The following ASCC3 variants were observed in gnomAD, a reference collection of about 807,000 sequenced individuals.
ASCC3 encodes the protein ASC-1 complex subunit P200.
Under a neutral mutation model 256.3 loss-of-function variants are expected in ASCC3, and 158 were observed. The ratio of observed to expected loss-of-function variants is 0.62; its 90% CI spans 0.54 to 0.70. The LOEUF (loss-of-function observed/expected upper bound fraction) is 0.70. Ranked by LOEUF, ASCC3 falls within the 30% of genes least tolerant of loss-of-function variation. The pLI is 0.00. For missense variants in ASCC3, 2,259 were observed against 2,626.0 expected, an observed-to-expected ratio of 0.86 and a Z score of 3.05; for synonymous variants, 948 against 883.4, an observed-to-expected ratio of 1.07 and a Z score of -1.30.
At chr6:100,633,886 A>C (rs998186978) in intron 25 of ASCC3, among the ~76,000 whole-genome samples, 1 of 151,750 alleles carries the variant, frequency 6.6e-6, no homozygotes, top group African/African-American at 2.4e-5. Flanking sequence ...TCAAAAAAAA[A>C]AAAGAAAAAA....
chr6:100,867,790 A>G, intron 2 of ASCC3, 118 bp downstream of exon 2: 1 of 900,260 alleles, frequency 1.1e-6, no homozygotes, highest in Non-Finnish European at 1.8e-6. Context: ...TTTGCCTCAC[A>G]CCAAACAAGA....
intron 36 of ASCC3, among the ~76,000 whole-genome samples, chr6:100,556,665 G>C (rs1251803947): frequency 6.6e-6 from 1 of 152,116 alleles, no homozygotes; most frequent in Non-Finnish European, 1.5e-5. Context: ...AGACTGTGGA[G>C]GGGAGAAATG....
intron 8 of ASCC3, among the ~76,000 whole-genome samples, chr6:100,776,342 T>A (rs1433818854): frequency 1.3e-5 from 2 of 152,130 alleles, no homozygotes; most frequent in Non-Finnish European, 2.9e-5. Context: ...GTATATACCA[T>A]TTTCCCTTTT....
At chr6:100,770,243 T>C (rs866608037) in intron 8 of ASCC3, among the ~76,000 whole-genome samples, 1 of 152,016 alleles carries the variant, frequency 6.6e-6, no homozygotes, top group African/African-American at 2.4e-5. Context: ...GAAAAAGCAT[T>C]TGACAAAATC....
chr6:100,735,431 G>C lies in ASCC3; in HGVS notation c.1738-9728C>G, dbSNP rs76168351. On this transcript the variant is annotated intron_variant, in intron 10 of 41. Transcript: ENST00000369162. ...TTCGTACTTTAATAAGCATTTGTTTGATTGCTAGTGATGTTTAACATCTTA... is the reference window on the plus strand; with the variant it reads ...TTCGTACTTTAATAAGCATTTGTTTCATTGCTAGTGATGTTTAACATCTTA... Among the ~76,000 whole-genome samples, 1,061 of 133,954 alleles carry C rather than the reference G, an allele frequency of 7.9e-3. 29 individuals carry two copies. The East Asian group carries it at 0.09, about 11-fold the overall frequency. The allele number at this position is 133,954 out of a possible 152,430, so 87.9% of individuals were successfully genotyped here.
chr6:100,799,222 A>G (rs991352562), intron 7 of ASCC3, among the ~76,000 whole-genome samples: 7 of 152,082 alleles, frequency 4.6e-5, no homozygotes, highest in African/African-American at 1.7e-4. Context: ...TGCAAAAACA[A>G]TGAAAAGGAG....
At chr6:100,753,315 C>CCA (rs1554225166) in intron 10 of ASCC3, among the ~76,000 whole-genome samples, 3 of 149,928 alleles carry the variant, frequency 2.0e-5, no homozygotes, top group East Asian at 1.9e-4. Flanking sequence ...CAAAACAAAA[C>CCA]AAAACATTTA....
chr6:100,651,469 T>A, intron 19 of ASCC3, 91 bp downstream of exon 19: 1 of 569,298 alleles, frequency 1.8e-6, no homozygotes. Context: ...TGATGTGCCA[T>A]ACAGCTTATA....
chr6:100,781,247 T>G (rs937673778), intron 8 of ASCC3, among the ~76,000 whole-genome samples: 19 of 152,358 alleles, frequency 1.2e-4, no homozygotes, highest in African/African-American at 4.3e-4. Flanking sequence ...TTTATTAAGT[T>G]CCACAAGTGT....
chr6:100,662,449 T>A lies in ASCC3; in HGVS notation c.2374A>T (p.Asn792Tyr), dbSNP rs1220085617. ...HHAGMLRQDR[N>Y]LVENLFSNGH... ...TTAGAAAACAAGTTTTCAACTAAATTTCTGTCCTGCCGAAGCATTCCTGCA... is the reference window on the plus strand; with the variant it reads ...TTAGAAAACAAGTTTTCAACTAAATATCTGTCCTGCCGAAGCATTCCTGCA... The change falls in exon 15 of 42, where the codon AAT becomes TAT. Residue 792 changes from asparagine (N) to tyrosine (Y), a missense_variant. Asn to Tyr is a moderately radical substitution (Grantham distance 143). Coordinates refer to ENST00000369162, the MANE Select transcript of ASCC3 (RefSeq NM_006828.4). The A allele has an allele frequency of 6.2e-7, 1 of 1,613,182 alleles. No individual in the cohort carries two copies. The highest frequency in any genetic ancestry group is 1.3e-5 in the African/African-American group (1 of 74,856).
At chr6:100,784,665 A>C (rs1782607625) in intron 8 of ASCC3, among the ~76,000 whole-genome samples, 1 of 152,106 alleles carries the variant, frequency 6.6e-6, no homozygotes, top group African/African-American at 2.4e-5. Flanking sequence ...CATTCTGGAA[A>C]GATATATATC....
At chr6:100,509,582 A>G in intron 41 of ASCC3, 49 bp from the exon 42 acceptor site, 1 of 1,528,298 alleles carries the variant, frequency 6.5e-7, no homozygotes, top group Non-Finnish European at 9.0e-7. Context: ...TTGTAATCAC[A>G]ATCATATTTA....
intron 30 of ASCC3, among the ~76,000 whole-genome samples, chr6:100,624,226 G>A (rs1582584264): frequency 6.6e-6 from 1 of 151,602 alleles, no homozygotes; most frequent in East Asian, 1.9e-4. Context: ...ACACATATAT[G>A]AAGAAAAGTA....
At chr6:100,665,688 C>T (rs981328914) in intron 14 of ASCC3, among the ~76,000 whole-genome samples, 1 of 150,384 alleles carries the variant, frequency 6.6e-6, no homozygotes, top group African/African-American at 2.5e-5. Flanking sequence ...TGCAGTGAGC[C>T]GAGATCACAT....
chr6:100,784,002 T>G (rs1180334808), intron 8 of ASCC3, among the ~76,000 whole-genome samples: 1 of 152,104 alleles, frequency 6.6e-6, no homozygotes, highest in Non-Finnish European at 1.5e-5. Context: ...CCAGGATAAA[T>G]GGCTAGTAAA....
rs750123144 is a variant in ASCC3, at chr6:100,629,048, T to G, written c.4342A>C (p.Thr1448Pro). The G allele has an allele frequency of 1.2e-6, 2 of 1,613,704 alleles. No homozygotes were observed. Among genetic ancestry groups the G allele is most frequent in the South Asian group, 2.2e-5 (2 of 91,056 alleles). The change falls in exon 27 of 42, where the codon ACT becomes CCT. Residue 1448 changes from threonine to proline, a missense_variant. Thr to Pro is a conservative substitution (Grantham distance 38, BLOSUM62 -1). Coordinates refer to ENST00000369162, the MANE Select transcript of ASCC3 (RefSeq NM_006828.4). Reference protein sequence around the residue: ...WQNRNYVQQVTILIIDEIHLL... With the variant: ...WQNRNYVQQVPILIIDEIHLL... Reference sequence around the variant, plus strand: ...TGGATCTCATCTATGATGAGAATAGTGACTTGCTGAACATAGTTCCTATTT... The same window carrying G: ...TGGATCTCATCTATGATGAGAATAGGGACTTGCTGAACATAGTTCCTATTT...
intron 36 of ASCC3, among the ~76,000 whole-genome samples, chr6:100,573,176 A>C (rs1770683902): frequency 6.6e-6 from 1 of 152,106 alleles, no homozygotes; most frequent in Non-Finnish European, 1.5e-5. Flanking sequence ...AGATGGCCTT[A>C]AATATTGGAA....
At chr6:100,867,809 C>T in intron 2 of ASCC3, 99 bp downstream of exon 2, 1 of 1,058,388 alleles carries the variant, frequency 9.4e-7, no homozygotes. Flanking sequence ...GATAAAACTT[C>T]CATGTTAACC....
chr6:100,576,886 AG>A (rs1770894298), intron 36 of ASCC3, among the ~76,000 whole-genome samples: 2 of 151,904 alleles, frequency 1.3e-5, no homozygotes, highest in South Asian at 2.1e-4. Flanking sequence ...TAAAAATAGC[AG>A]TCTCAAAAGA....
Sources: gnomAD v4.1 joint callset for allele counts (sites outside exome capture counted in the v4.1 genomes callset) on GRCh38, gnomAD v4.1.1 for gene constraint, MANE v1.5 for transcripts, NCBI Gene and HGNC (gene_info 2026-07-23, HGNC 2026-07-21) for gene names.